The following DNAJC24 variants were observed in gnomAD, a reference collection of about 807,000 sequenced individuals.
DNAJC24 encodes the protein DnaJ heat shock protein family (Hsp40) member C24, also known as dnaJ homolog subfamily C member 24.
A neutral mutation model predicts 18.0 loss-of-function variants in DNAJC24; 17 were observed. The ratio of observed to expected loss-of-function variants is 0.94; its 90% CI spans 0.65 to 1.42. DNAJC24 has a LOEUF of 1.42. Ranked by LOEUF, DNAJC24 falls within the 40% of genes most tolerant of loss-of-function variation. The pLI is 0.00. For missense variants in DNAJC24, 158 were observed against 175.6 expected (o/e 0.90, Z 0.57); for synonymous variants, 55 against 57.7 (o/e 0.95, Z 0.21).
intron 3 of DNAJC24, among the ~76,000 whole-genome samples, chr11:31,419,018 G>A (rs1952778830): frequency 2.0e-5 from 3 of 151,924 alleles, no homozygotes; most frequent in African/African-American, 7.2e-5. Flanking sequence ...TGAAAAGAAT[G>A]GTAATGTTAT....
intron 3 of DNAJC24, among the ~76,000 whole-genome samples, chr11:31,417,575 A>C (rs1400576892): frequency 1.3e-5 from 2 of 152,080 alleles, no homozygotes; most frequent in African/African-American, 4.8e-5. Context: ...GGGACATGGA[A>C]ATAGCTTTGT....
intron 3 of DNAJC24, among the ~76,000 whole-genome samples, chr11:31,417,538 C>T (rs1333474574): frequency 6.6e-6 from 1 of 151,980 alleles, no homozygotes; most frequent in Non-Finnish European, 1.5e-5. Flanking sequence ...CAGGTCAAAG[C>T]ACTCTTTTTT....
At chr11:31,414,537 C>T (rs1375188883) in intron 2 of DNAJC24, among the ~76,000 whole-genome samples, 1 of 152,118 alleles carries the variant, frequency 6.6e-6, no homozygotes, top group Non-Finnish European at 1.5e-5. Flanking sequence ...GTAAACTGTC[C>T]ATGAGACCAA....
chr11:31,401,064 C>A (rs903666536), intron 2 of DNAJC24, among the ~76,000 whole-genome samples: 2 of 151,996 alleles, frequency 1.3e-5, no homozygotes, highest in African/African-American at 4.8e-5. Context: ...AAAAAGTGGG[C>A]AAAGAATATG....
chr11:31,409,712 ATTC>A (rs1053876940), intron 2 of DNAJC24, among the ~76,000 whole-genome samples: 1 of 152,106 alleles, frequency 6.6e-6, no homozygotes, highest in Non-Finnish European at 1.5e-5. Flanking sequence ...CTGTTAATCT[ATTC>A]TTCTATGAAT....
intron 2 of DNAJC24, among the ~76,000 whole-genome samples, chr11:31,390,705 T>TAA (rs34050503): frequency 1.8e-5 from 2 of 114,088 alleles, no homozygotes; most frequent in Non-Finnish European, 3.6e-5. Flanking sequence ...GATTCCATCT[T>TAA]AAAAAAAAAA....
Position 31,408,752 on chromosome 11 carries a change from G to A in DNAJC24, c.112-6059G>A, listed in dbSNP as rs567948117. Among the ~76,000 whole-genome samples the A allele has an allele frequency of 2.2e-3, 336 of 152,100 alleles. 2 individuals carry two copies. Among genetic ancestry groups the A allele is most frequent in the Non-Finnish European group, 4.0e-3 (271 of 67,990 alleles). ...TTTTCTTATTCTCAATGAATGATAT[G>A]GTAATTTAAAGAAGAATTTAAGTTT... On this transcript the variant is annotated intron_variant, in intron 2 of 4. Transcript: ENST00000465995.
chr11:31,384,137 G>A (rs569802724), intron 2 of DNAJC24, among the ~76,000 whole-genome samples: 19 of 152,194 alleles, frequency 1.2e-4, no homozygotes, highest in South Asian at 2.1e-4. Flanking sequence ...ATAGACTAGC[G>A]CTACCCCCAT....
intron 2 of DNAJC24, among the ~76,000 whole-genome samples, chr11:31,405,089 TGA>T (rs1952643209): frequency 6.8e-6 from 1 of 146,650 alleles, no homozygotes. Flanking sequence ...TTTTTTTTTT[TGA>T]GACAGAGTCT....
chr11:31,402,544 T>C (rs937418370), intron 2 of DNAJC24, among the ~76,000 whole-genome samples: 1 of 152,238 alleles, frequency 6.6e-6, no homozygotes, highest in African/African-American at 2.4e-5. Context: ...GGTCTTGCTC[T>C]GTCACCCATG....
chr11:31,424,047 G>A (rs1252922043), intron 3 of DNAJC24, among the ~76,000 whole-genome samples: 1 of 152,112 alleles, frequency 6.6e-6, no homozygotes, highest in African/African-American at 2.4e-5. Context: ...TATGTGAGAA[G>A]AACAATAGCT....
chr11:31,411,611 G>A (rs1564955609), intron 2 of DNAJC24, among the ~76,000 whole-genome samples: 1 of 152,190 alleles, frequency 6.6e-6, no homozygotes, highest in Non-Finnish European at 1.5e-5. Context: ...TTCAAGGGCA[G>A]CATTTCAGAT....
Position 31,424,959 on chromosome 11 carries a change from A to T in DNAJC24, c.251-1328A>T, listed in dbSNP as rs531569212. 2.6e-5 allele frequency among the ~76,000 whole-genome samples: 4 copies of T among 152,090 alleles called. No homozygotes were observed. In the East Asian group the frequency reaches 7.7e-4, roughly 29 times the overall value. On this transcript the variant is annotated intron_variant, in intron 3 of 4. Transcript: ENST00000465995. ...TGGGGTGGGGAGTGGATTTTAGTAG[A>T]GTTTTTTTTTGTTTTTTTCTTTTTT...
At chr11:31,399,345 A>T (rs547370495) in intron 2 of DNAJC24, among the ~76,000 whole-genome samples, 1 of 151,930 alleles carries the variant, frequency 6.6e-6, no homozygotes, top group East Asian at 1.9e-4. Flanking sequence ...TAATTCAACC[A>T]CGTATCTTAA....
At chr11:31,375,969 C>G (rs1239990115) in intron 2 of DNAJC24, among the ~76,000 whole-genome samples, 1 of 135,076 alleles carries the variant, frequency 7.4e-6, no homozygotes, top group Non-Finnish European at 1.7e-5. Context: ...GCTGTGTCCC[C>G]ACCTAAATCT....
chr11:31,415,804 A>G (rs1251966087), intron 3 of DNAJC24: 1 of 152,202 alleles, frequency 6.6e-6, no homozygotes, highest in Non-Finnish European at 1.5e-5. Context: ...CGCTTATTGA[A>G]TCCCCTCCCA....
intron 2 of DNAJC24, among the ~76,000 whole-genome samples, chr11:31,387,035 G>A (rs1032762135): frequency 3.3e-5 from 5 of 152,218 alleles, no homozygotes; most frequent in Admixed American, 1.3e-4. Context: ...AGAGGAAAAA[G>A]TGGGAAAGAC....
chr11:31,390,419 AATT>A (rs1169076977), intron 2 of DNAJC24, among the ~76,000 whole-genome samples: 26 of 150,398 alleles, frequency 1.7e-4, no homozygotes, highest in African/African-American at 6.1e-4. Context: ...AAAAAAAAAA[AATT>A]AAAGGCCGGG....
intron 2 of DNAJC24, among the ~76,000 whole-genome samples, chr11:31,389,282 A>G (rs979015537): frequency 2.0e-5 from 3 of 152,202 alleles, no homozygotes; most frequent in African/African-American, 7.2e-5. Context: ...CCTATAGAGA[A>G]ACACATAGAC....
Sources: allele counts gnomAD v4.1 joint callset (sites outside exome capture counted in the v4.1 genomes callset), GRCh38; gene constraint gnomAD v4.1.1; transcripts MANE v1.5; gene names NCBI Gene and HGNC (gene_info 2026-07-23, HGNC 2026-07-21).